Variants in NELL1 observed in about 807,000 individuals in gnomAD.
NELL1 encodes neural EGFL like 1, also known as protein kinase C-binding protein NELL1.
Under a neutral mutation model 107.4 loss-of-function variants are expected in NELL1, and 76 were observed. The ratio of observed to expected loss-of-function variants is 0.71; its 90% CI spans 0.59 to 0.86. The LOEUF is 0.86. NELL1 is among the 40% of genes least tolerant of loss of function. The pLI, the probability that NELL1 is intolerant of heterozygous loss-of-function variation, is 0.00. For synonymous variants in NELL1, 353 were observed against 341.2 expected (o/e 1.03, Z -0.38); for missense variants, 1,024 against 1,005.5 (o/e 1.02, Z -0.25).
intron 16 of NELL1, among the ~76,000 whole-genome samples, chr11:21,556,208 A>G (rs2133996144): frequency 6.6e-6 from 1 of 152,038 alleles, no homozygotes; most frequent in Middle Eastern, 3.4e-3. Flanking sequence ...ACTCATAATG[A>G]TTTCCAGGTA....
intron 14 of NELL1, among the ~76,000 whole-genome samples, chr11:21,326,022 C>G (rs1333194048): frequency 7.3e-6 from 1 of 137,726 alleles, no homozygotes; most frequent in Non-Finnish European, 1.5e-5. Context: ...ATTTGTTTAT[C>G]CACCACGGAT....
chr11:21,407,376 A>G (rs1208120757), intron 15 of NELL1, among the ~76,000 whole-genome samples: 1 of 152,046 alleles, frequency 6.6e-6, no homozygotes, highest in African/African-American at 2.4e-5. Context: ...TGATTGCACA[A>G]CTGCACTCCA....
At chr11:21,433,687 G>T (rs1425372662) in intron 15 of NELL1, among the ~76,000 whole-genome samples, 4 of 151,916 alleles carry the variant, frequency 2.6e-5, no homozygotes, top group African/African-American at 9.7e-5. Flanking sequence ...TTTTGTTGTT[G>T]TTTTTGAGAC....
At chr11:20,889,689 T>G (rs1849578014) in intron 5 of NELL1, among the ~76,000 whole-genome samples, 1 of 152,186 alleles carries the variant, frequency 6.6e-6, no homozygotes, top group Non-Finnish European at 1.5e-5. Flanking sequence ...GGTTCTGTCA[T>G]CAAAATTGAC....
intron 14 of NELL1, among the ~76,000 whole-genome samples, chr11:21,356,263 G>A (rs1215823192): frequency 6.6e-6 from 1 of 152,086 alleles, no homozygotes; most frequent in South Asian, 2.1e-4. Flanking sequence ...TTGAGCCCTG[G>A]TTCTGAGTAA....
intron 13 of NELL1, among the ~76,000 whole-genome samples, chr11:21,156,258 C>T (rs1029739198): frequency 6.6e-5 from 10 of 152,020 alleles, no homozygotes; most frequent in African/African-American, 2.4e-4. Context: ...TTTGAAGATC[C>T]AGATGGAATT....
Position 20,943,970 on chromosome 11 carries a change from T to C in NELL1, c.1072-3366T>C, listed in dbSNP as rs547598780. ...TGGAAGAGCTTTGGGACATAGTTAATGGATATTGTCAGCAGAGAGTGAGGG... is the reference window on the plus strand; with the variant it reads ...TGGAAGAGCTTTGGGACATAGTTAACGGATATTGTCAGCAGAGAGTGAGGG... On this transcript the variant is annotated intron_variant, in intron 10 of 19. Coordinates refer to ENST00000357134, the MANE Select transcript of NELL1 (RefSeq NM_006157.5). 2.0e-5 allele frequency among the ~76,000 whole-genome samples: 3 copies of C among 152,294 alleles called. No homozygotes were observed. In the South Asian group the frequency reaches 6.2e-4, roughly 32 times the overall value.
intron 14 of NELL1, among the ~76,000 whole-genome samples, chr11:21,346,726 G>A (rs1325851607): frequency 1.3e-5 from 2 of 150,292 alleles, no homozygotes; most frequent in East Asian, 3.9e-4. Flanking sequence ...AAGCATAGAT[G>A]CTTAACAGGA....
intron 12 of NELL1, among the ~76,000 whole-genome samples, chr11:20,984,766 G>C (rs997093214): frequency 2.0e-5 from 3 of 152,044 alleles, no homozygotes; most frequent in Non-Finnish European, 4.4e-5. Flanking sequence ...CAACATTTAT[G>C]ATGATGGGTC....
intron 14 of NELL1, among the ~76,000 whole-genome samples, chr11:21,232,159 AATATAT>A (rs1199817546): frequency 1.4e-5 from 1 of 73,208 alleles, no homozygotes; most frequent in Non-Finnish European, 2.8e-5. Flanking sequence ...AAAAAAAAAA[AATATAT>A]ATATATATAT....
At chr11:21,072,299 A>G (rs1854034430) in intron 12 of NELL1, among the ~76,000 whole-genome samples, 2 of 152,130 alleles carry the variant, frequency 1.3e-5, no homozygotes, top group African/African-American at 4.8e-5. Context: ...CTTATAAATT[A>G]CTCTATTATT....
intron 15 of NELL1, among the ~76,000 whole-genome samples, chr11:21,396,061 C>A (rs1447900965): frequency 1.3e-5 from 2 of 151,478 alleles, no homozygotes; most frequent in Admixed American, 1.3e-4. Flanking sequence ...TTCTATATAC[C>A]TGGCAATGGA....
At chr11:20,949,342 C>G (rs1851027923) in intron 11 of NELL1, among the ~76,000 whole-genome samples, 1 of 152,158 alleles carries the variant, frequency 6.6e-6, no homozygotes, top group Admixed American at 6.5e-5. Context: ...GATAGGCTAA[C>G]TATGACATCA....
chr11:20,670,612 C>T (rs1180999526), intron 1 of NELL1: 1 of 152,270 alleles, frequency 6.6e-6, no homozygotes, highest in Non-Finnish European at 1.5e-5. Context: ...GCCCAAAAGT[C>T]CCCTGGGGTT....
At chr11:20,865,322 A>G (rs1273038639) in intron 4 of NELL1, among the ~76,000 whole-genome samples, 5 of 152,244 alleles carry the variant, frequency 3.3e-5, no homozygotes, top group Non-Finnish European at 5.9e-5. Flanking sequence ...TTGTAAGATG[A>G]AAAATCACTA....
At chr11:20,894,758 A>G (rs1184756991) in intron 5 of NELL1, among the ~76,000 whole-genome samples, 1 of 152,180 alleles carries the variant, frequency 6.6e-6, no homozygotes, top group African/African-American at 2.4e-5. Flanking sequence ...CCAAGAAAGA[A>G]TACTCTAGGT....
intron 15 of NELL1, among the ~76,000 whole-genome samples, chr11:21,533,674 G>A (rs76876818): frequency 0.036 from 5,538 of 152,190 alleles, 339 homozygotes; most frequent in African/African-American, 0.13. Context: ...AAGCCTAGGA[G>A]ACTTCCTTTC....
At chr11:20,696,675 A>G (rs571665140) in intron 2 of NELL1, among the ~76,000 whole-genome samples, 5 of 152,204 alleles carry the variant, frequency 3.3e-5, no homozygotes, top group South Asian at 2.1e-4. Context: ...ATACTACTCA[A>G]TTTTTTTGGT....
chr11:21,296,935 A>G (rs1169894282), intron 14 of NELL1, among the ~76,000 whole-genome samples: 1 of 151,618 alleles, frequency 6.6e-6, no homozygotes, highest in Non-Finnish European at 1.5e-5. Context: ...GAACCCATAA[A>G]TCAAATATTA....
Sources: allele counts gnomAD v4.1 joint callset (sites outside exome capture counted in the v4.1 genomes callset), GRCh38; gene constraint gnomAD v4.1.1; transcripts MANE v1.5; gene names NCBI Gene and HGNC (gene_info 2026-07-23, HGNC 2026-07-21).